The following CARD8 variants were observed in gnomAD, a reference collection of about 807,000 sequenced individuals.
CARD8 encodes the protein caspase recruitment domain family member 8.
Under a neutral mutation model 53.2 loss-of-function variants are expected in CARD8, and 38 were observed. That is an observed-to-expected ratio of 0.71 (90% CI 0.55 to 0.94). CARD8 has a LOEUF of 0.94. Among genes scored for constraint, CARD8 ranks in the 40% least tolerant of loss-of-function variants. CARD8 has a pLI of 0.00. For synonymous variants in CARD8, 245 were observed against 244.9 expected, an observed-to-expected ratio of 1.00 and a Z score of 0.00; for missense variants, 561 against 655.5, an observed-to-expected ratio of 0.86 and a Z score of 1.57.
intron 6 of CARD8, chr19:48,233,416 G>A: frequency 2.2e-6 from 1 of 456,224 alleles, no homozygotes; most frequent in Non-Finnish European, 4.4e-6. Context: ...TAGAGAAGTG[G>A]GATGAAGAGA....
chr19:48,222,100 A>T (rs2040772212), intron 10 of CARD8, among the ~76,000 whole-genome samples: 1 of 152,184 alleles, frequency 6.6e-6, no homozygotes, highest in Non-Finnish European at 1.5e-5. Context: ...GGGCCAAAGG[A>T]TTTCTTGTGA....
chr19:48,237,414 T>C (rs1023987596), intron 5 of CARD8, among the ~76,000 whole-genome samples: 5 of 151,876 alleles, frequency 3.3e-5, no homozygotes, highest in African/African-American at 1.2e-4. Flanking sequence ...TCCATTCACC[T>C]CCCTCCAGGC....
chr19:48,226,385 A>C (rs2041797606), intron 10 of CARD8, among the ~76,000 whole-genome samples: 1 of 152,022 alleles, frequency 6.6e-6, no homozygotes, highest in Non-Finnish European at 1.5e-5. Context: ...CATCACATCC[A>C]GCTAATTTTT....
At chr19:48,214,768 GCTTTTTTTTTTT>G (rs2038870162) in intron 13 of CARD8, among the ~76,000 whole-genome samples, 1 of 66,982 alleles carries the variant, frequency 1.5e-5, no homozygotes, top group Non-Finnish European at 2.4e-5. Flanking sequence ...CTGCTATAAA[GCTTTTTTTTTTT>G]TTTTTTTTTT....
chr19:48,213,822 A>G (rs1199517234), intron 13 of CARD8, among the ~76,000 whole-genome samples: 1 of 152,098 alleles, frequency 6.6e-6, no homozygotes, highest in African/African-American at 2.4e-5. Context: ...CCCACACTCA[A>G]TCATCCACGC....
intron 5 of CARD8, 102 bp from the exon 6 acceptor site, chr19:48,234,645 T>C (rs745374356): frequency 7.1e-5 from 76 of 1,064,776 alleles, no homozygotes; most frequent in Non-Finnish European, 9.6e-5. Context: ...ATAGACTCAA[T>C]ATTTTATCTT....
intron 5 of CARD8, among the ~76,000 whole-genome samples, chr19:48,236,090 G>A (rs900882260): frequency 6.6e-6 from 1 of 152,172 alleles, no homozygotes; most frequent in Admixed American, 6.5e-5. Flanking sequence ...CCACAGACAG[G>A]GAACATTTCC....
chr19:48,218,353 C>CTTT (rs770280304), intron 12 of CARD8, among the ~76,000 whole-genome samples: 31 of 108,998 alleles, frequency 2.8e-4, no homozygotes, highest in African/African-American at 3.5e-4. Flanking sequence ...TTATCTTCTT[C>CTTT]TTTTTTTTTT....
intron 3 of CARD8, among the ~76,000 whole-genome samples, chr19:48,248,733 G>A (rs1019575813): frequency 6.6e-6 from 1 of 152,166 alleles, no homozygotes; most frequent in African/African-American, 2.4e-5. Context: ...ACAAGAAAAT[G>A]CATATAAAAA....
chr19:48,224,049 C>T (rs868058127), intron 10 of CARD8, among the ~76,000 whole-genome samples: 2 of 152,126 alleles, frequency 1.3e-5, no homozygotes. Flanking sequence ...GCAACCTCTG[C>T]CTCCCAGGTT....
Position 48,218,973 on chromosome 19 carries a change from GCTGAATTT to G in CARD8, c.1193_1200del (p.Glu398AlafsTer17). The G allele has an allele frequency of 6.2e-7, 1 of 1,613,668 alleles. No individual in the cohort carries two copies. Among genetic ancestry groups the G allele is most frequent in the South Asian group, 1.1e-5 (1 of 91,074 alleles). On this transcript the variant is annotated frameshift_variant, in exon 12 of 14. Transcript: ENST00000651546. LOFTEE classifies it high-confidence loss of function. ...TGCCCAGCATAGAATTTTGAGAAGT[GCTGAATTT>G]CTCCAGGGCTCCTGTAGGACAATTT...
intron 5 of CARD8, among the ~76,000 whole-genome samples, chr19:48,236,461 G>A (rs1005190206): frequency 2.6e-5 from 4 of 152,054 alleles, no homozygotes; most frequent in Admixed American, 6.6e-5. Flanking sequence ...TGAACCACCC[G>A]CCCTGGCCTC....
chr19:48,234,318 C>T, intron 6 of CARD8, 85 bp downstream of exon 6: 1 of 1,390,526 alleles, frequency 7.2e-7, no homozygotes, highest in South Asian at 1.4e-5. Flanking sequence ...CGATGAAAAA[C>T]ACCCAAATTC....
chr19:48,239,163 A>C (rs551126955), intron 4 of CARD8, among the ~76,000 whole-genome samples: 2 of 152,308 alleles, frequency 1.3e-5, no homozygotes, highest in South Asian at 2.1e-4. Flanking sequence ...TGAAGGTAGG[A>C]TCTCTTTATT....
At chr19:48,233,135 G>T (rs767250662) in intron 6 of CARD8, 53 of 353,872 alleles carry the variant, frequency 1.5e-4, no homozygotes, top group Non-Finnish European at 2.6e-4. Context: ...GAAGTCTGGA[G>T]GTGGCACCAA....
downstream of CARD8, among the ~76,000 whole-genome samples, chr19:48,205,056 T>A (rs1424250416): frequency 6.6e-6 from 1 of 152,142 alleles, no homozygotes; most frequent in Non-Finnish European, 1.5e-5. Context: ...AGTGGGTTAT[T>A]ATAGGGGAAA....
intron 5 of CARD8, among the ~76,000 whole-genome samples, chr19:48,236,356 G>A (rs528023110): frequency 7.7e-4 from 117 of 152,126 alleles, no homozygotes; most frequent in African/African-American, 2.6e-3. Flanking sequence ...GGGATTACAG[G>A]CATGCACCAG....
chr19:48,231,645 A>C lies in CARD8; in HGVS notation c.542+15T>G, dbSNP rs375835252. ...TCAGAGTGGTTTTCAAATCATCAGCATCTTCCATTCTTACCTGTATCTGTT... is the reference window on the plus strand; with the variant it reads ...TCAGAGTGGTTTTCAAATCATCAGCCTCTTCCATTCTTACCTGTATCTGTT... On this transcript the variant is annotated intron_variant, in intron 8 of 13. Coordinates refer to ENST00000651546, the MANE Select transcript of CARD8 (RefSeq NM_001184900.3). 5.1e-6 allele frequency: 8 copies of C among 1,573,292 alleles called. No individual in the cohort carries two copies. The highest frequency in any genetic ancestry group is 6.9e-6 in the Non-Finnish European group (8 of 1,160,554).
intron 3 of CARD8, among the ~76,000 whole-genome samples, chr19:48,248,864 A>T (rs2046537949): frequency 6.6e-6 from 1 of 152,264 alleles, no homozygotes; most frequent in Non-Finnish European, 1.5e-5. Flanking sequence ...CAGTTAACAT[A>T]AATTATTAAA....
Sources: allele counts gnomAD v4.1 joint callset (sites outside exome capture counted in the v4.1 genomes callset), GRCh38; gene constraint gnomAD v4.1.1; transcripts MANE v1.5; gene names NCBI Gene and HGNC (gene_info 2026-07-23, HGNC 2026-07-21).